Variants in STX8 observed in about 807,000 individuals in gnomAD.
STX8 encodes syntaxin 8.
Under a neutral mutation model 37.5 loss-of-function variants are expected in STX8, and 23 were observed. That is an observed-to-expected ratio of 0.61 (90% CI 0.44 to 0.87). The LOEUF is 0.87. Among genes scored for constraint, STX8 ranks in the 40% least tolerant of loss-of-function variants. STX8 has a pLI of 0.00. For synonymous variants in STX8, 115 were observed against 99.1 expected (o/e 1.16, Z -0.95); for missense variants, 313 against 284.7 (o/e 1.10, Z -0.71).
chr17:9,427,892 C>T (rs1040091344), intron 6 of STX8, among the ~76,000 whole-genome samples: 4 of 152,158 alleles, frequency 2.6e-5, no homozygotes, highest in African/African-American at 9.7e-5. Flanking sequence ...TTGCTGAAGG[C>T]TGTAACTCTA....
intron 7 of STX8, among the ~76,000 whole-genome samples, chr17:9,370,176 T>C (rs553626462): frequency 1.3e-5 from 2 of 152,086 alleles, no homozygotes; most frequent in South Asian, 2.1e-4. Context: ...GATCACACCA[T>C]TGCACTCCAG....
At chr17:9,553,221 AC>A (rs1906838925) in intron 3 of STX8, 1 of 152,184 alleles carries the variant, frequency 6.6e-6, no homozygotes, top group Admixed American at 6.5e-5. Context: ...TCTCAAAGAA[AC>A]ACTGTGAACA....
chr17:9,570,428 A>G (rs1253848646), intron 1 of STX8, among the ~76,000 whole-genome samples: 1 of 152,020 alleles, frequency 6.6e-6, no homozygotes, highest in African/African-American at 2.4e-5. Context: ...TATCACACAC[A>G]TTCACATATA....
chr17:9,322,233 A>C (rs1279779032), intron 7 of STX8, among the ~76,000 whole-genome samples: 1 of 152,188 alleles, frequency 6.6e-6, no homozygotes, highest in African/African-American at 2.4e-5. Flanking sequence ...GGGAATTTCA[A>C]CTCTAGGTCA....
rs192468006 is a variant in STX8 at position 9,478,987 on chromosome 17, T to C, written c.541+12842A>G. On this transcript the variant is annotated intron_variant, in intron 6 of 7. Coordinates refer to ENST00000306357, the MANE Select transcript of STX8 (RefSeq NM_004853.3). Reference sequence around the variant, plus strand: ...AAAATACCTTATTTTGAGATGTATTTGTTGAATGTCTCCCTCCCGACACTA... The same window carrying C: ...AAAATACCTTATTTTGAGATGTATTCGTTGAATGTCTCCCTCCCGACACTA... 1.3e-5 allele frequency among the ~76,000 whole-genome samples: 2 copies of C among 152,300 alleles called. 1 individual carries two copies. The highest frequency in any genetic ancestry group is 4.8e-5 in the African/African-American group (2 of 41,576).
rs575370803 is a variant in STX8, at chr17:9,254,336, ACTCTTTGTCATCCTCCAGTTACCTGTGCC to A, written c.644-3720_644-3692del. 7.3e-5 allele frequency among the ~76,000 whole-genome samples: 11 copies of A among 150,388 alleles called. No homozygotes were observed. The East Asian group carries it at 2.1e-3, about 29-fold the overall frequency. On this transcript the variant is annotated intron_variant, in intron 7 of 7. Coordinates refer to ENST00000306357, the MANE Select transcript of STX8 (RefSeq NM_004853.3). ...AAACTCAGTGGCATTTTCCCAAAGA[ACTCTTTGTCATCCTCCAGTTACCTGTGCC>A]CTCTTTGCCCCCCTAAGTTTCCATG...
At chr17:9,571,247 A>T (rs1907675698) in intron 1 of STX8, among the ~76,000 whole-genome samples, 1 of 152,172 alleles carries the variant, frequency 6.6e-6, no homozygotes, top group South Asian at 2.1e-4. Context: ...GTTCTGAAAC[A>T]AGTTGGAATC....
chr17:9,417,968 T>C (rs913935097), intron 6 of STX8, among the ~76,000 whole-genome samples: 6 of 152,208 alleles, frequency 3.9e-5, no homozygotes, highest in Admixed American at 3.9e-4. Flanking sequence ...GCATCCCTGG[T>C]AACAAAATAG....
At chr17:9,557,370 T>C (rs1386806125) in intron 3 of STX8, 64 bp downstream of exon 3, 2 of 1,454,898 alleles carry the variant, frequency 1.4e-6, no homozygotes, top group Non-Finnish European at 1.9e-6. Flanking sequence ...ATTCCTTCCT[T>C]TCTTAAAATA....
chr17:9,550,237 A>G (rs1292686934), intron 3 of STX8, among the ~76,000 whole-genome samples: 2 of 149,878 alleles, frequency 1.3e-5, no homozygotes, highest in African/African-American at 4.9e-5. Flanking sequence ...AAAAAAAAAA[A>G]GTAGTACAGC....
At chr17:9,416,137 C>T (rs1913183927) in intron 6 of STX8, among the ~76,000 whole-genome samples, 1 of 152,206 alleles carries the variant, frequency 6.6e-6, no homozygotes, top group Non-Finnish European at 1.5e-5. Context: ...TGCTTCTCAG[C>T]CCTGGTTGCA....
chr17:9,375,787 C>G (rs1911560099), intron 7 of STX8, among the ~76,000 whole-genome samples: 1 of 152,180 alleles, frequency 6.6e-6, no homozygotes, highest in South Asian at 2.1e-4. Context: ...TCATTTATTT[C>G]TCATAACAAT....
intron 5 of STX8, among the ~76,000 whole-genome samples, chr17:9,492,362 T>C (rs931253886): frequency 2.6e-5 from 4 of 152,290 alleles, no homozygotes; most frequent in Admixed American, 2.0e-4. Context: ...TTATCAGATG[T>C]ATAAGGATTA....
chr17:9,317,695 G>A (rs1239812373), intron 7 of STX8, among the ~76,000 whole-genome samples: 2 of 151,990 alleles, frequency 1.3e-5, no homozygotes, highest in Non-Finnish European at 2.9e-5. Flanking sequence ...GAACCCGGGA[G>A]GTGGAGCTTG....
chr17:9,381,898 G>A (rs987703719), intron 6 of STX8, among the ~76,000 whole-genome samples: 2 of 152,170 alleles, frequency 1.3e-5, no homozygotes, highest in South Asian at 4.1e-4. Context: ...GAACCCAGGA[G>A]GTGGAGGTTG....
chr17:9,534,786 CA>C (rs879306126), intron 4 of STX8, among the ~76,000 whole-genome samples: 104 of 142,750 alleles, frequency 7.3e-4, no homozygotes, highest in African/African-American at 1.9e-3. Flanking sequence ...GATTCTGTCT[CA>C]AAAAAAAAAG....
At chr17:9,553,978 G>A (rs2151914451) in intron 3 of STX8, 1 of 152,406 alleles carries the variant, frequency 6.6e-6, no homozygotes, top group East Asian at 1.9e-4. Flanking sequence ...CTCCTCTGCT[G>A]GGGCCGGGCA....
chr17:9,543,038 C>G lies in STX8; in HGVS notation c.323+2134G>C, dbSNP rs560828983. On this transcript the variant is annotated intron_variant, in intron 4 of 7. Transcript: ENST00000306357. ...TGGCCCCTTCAGCATCATTAAGTGG[C>G]ACAATTAATGAGAAGCAAAGAGCAG... Among the ~76,000 whole-genome samples, 13 of 152,284 alleles carry G rather than the reference C, an allele frequency of 8.5e-5. No homozygotes were observed. The South Asian group carries it at 2.7e-3, about 32-fold the overall frequency.
At chr17:9,330,206 T>A (rs757389125) in intron 7 of STX8, among the ~76,000 whole-genome samples, 6 of 152,218 alleles carry the variant, frequency 3.9e-5, no homozygotes, top group Non-Finnish European at 8.8e-5. Flanking sequence ...TCTTTTGAAA[T>A]GCGAATTAGC....
Sources: gnomAD v4.1 joint callset for allele counts (sites outside exome capture counted in the v4.1 genomes callset) on GRCh38, gnomAD v4.1.1 for gene constraint, MANE v1.5 for transcripts, NCBI Gene and HGNC (gene_info 2026-07-23, HGNC 2026-07-21) for gene names.